PRR5L: variants seen among roughly 807,000 people sequenced by gnomAD.
PRR5L encodes the protein proline-rich protein 5-like.
In PRR5L, 21 loss-of-function variants were observed where a neutral mutation model predicts 36.4. That is an observed-to-expected ratio of 0.58 (90% CI 0.41 to 0.83). PRR5L has a LOEUF of 0.83. PRR5L is among the 40% of genes least tolerant of loss of function. The pLI is 0.00. For synonymous variants in PRR5L, 188 were observed against 197.0 expected (o/e 0.95, Z 0.38); for missense variants, 381 against 473.3 (o/e 0.80, Z 1.81).
At chr11:36,310,645 C>G (rs1294269610) in intron 1 of PRR5L, among the ~76,000 whole-genome samples, 1 of 152,140 alleles carries the variant, frequency 6.6e-6, no homozygotes, top group Non-Finnish European at 1.5e-5. Flanking sequence ...AGAGTTCTCC[C>G]ACACAAGAGG....
chr11:36,304,689 C>T (rs764392900), intron 1 of PRR5L, among the ~76,000 whole-genome samples: 3 of 152,180 alleles, frequency 2.0e-5, no homozygotes, highest in Non-Finnish European at 2.9e-5. Context: ...TGTACACACA[C>T]AATTTTGGAC....
intron 1 of PRR5L, among the ~76,000 whole-genome samples, chr11:36,365,418 T>C (rs771433060): frequency 6.6e-6 from 1 of 152,214 alleles, no homozygotes; most frequent in Non-Finnish European, 1.5e-5. Context: ...AATTCTTTTG[T>C]CTAGGACCAC....
chr11:36,330,076 A>C (rs1370378296), intron 1 of PRR5L, among the ~76,000 whole-genome samples: 3 of 152,142 alleles, frequency 2.0e-5, no homozygotes, highest in Non-Finnish European at 4.4e-5. Context: ...AGGGGAAGAG[A>C]TTTTTATTAA....
chr11:36,393,288 T>A (rs557909405), intron 1 of PRR5L, among the ~76,000 whole-genome samples: 1 of 152,320 alleles, frequency 6.6e-6, no homozygotes, highest in African/African-American at 2.4e-5. Context: ...TCCCTAATGC[T>A]TTCTTTTAGT....
intron 8 of PRR5L, among the ~76,000 whole-genome samples, chr11:36,452,371 C>T (rs1216459258): frequency 6.6e-6 from 1 of 152,232 alleles, no homozygotes; most frequent in African/African-American, 2.4e-5. Flanking sequence ...GTTCCTGCCC[C>T]TTCCTGGGCC....
At chr11:36,395,402 A>G (rs1857638075) in intron 1 of PRR5L, among the ~76,000 whole-genome samples, 1 of 152,218 alleles carries the variant, frequency 6.6e-6, no homozygotes, top group Non-Finnish European at 1.5e-5. Flanking sequence ...TTAACAATTA[A>G]ATAAAATTAA....
intron 1 of PRR5L, among the ~76,000 whole-genome samples, chr11:36,329,563 C>A (rs1442612670): frequency 6.6e-6 from 1 of 152,128 alleles, no homozygotes; most frequent in East Asian, 1.9e-4. Context: ...CAAAGATAAT[C>A]AAAGTAAGAT....
intron 4 of PRR5L, among the ~76,000 whole-genome samples, chr11:36,423,887 C>T (rs565613140): frequency 4.6e-5 from 7 of 152,222 alleles, no homozygotes; most frequent in African/African-American, 1.4e-4. Context: ...CTGTGAGGGG[C>T]GAGAATGAGG....
chr11:36,452,644 C>T (rs1215210381), intron 8 of PRR5L, among the ~76,000 whole-genome samples: 1 of 152,226 alleles, frequency 6.6e-6, no homozygotes. Flanking sequence ...GCTGCGGTCT[C>T]CCTGGAGTCC....
intron 1 of PRR5L, among the ~76,000 whole-genome samples, chr11:36,304,518 T>A (rs934603056): frequency 3.9e-5 from 6 of 152,356 alleles, no homozygotes; most frequent in African/African-American, 1.4e-4. Flanking sequence ...ACTAACAACA[T>A]GTCTTGGAGC....
At chr11:36,431,474 T>A (rs80041821) in intron 4 of PRR5L, among the ~76,000 whole-genome samples, 102 of 146,994 alleles carry the variant, frequency 6.9e-4, no homozygotes, top group East Asian at 2.4e-3. Flanking sequence ...TAAAAAAAAA[T>A]ATGTTATTTC....
In PRR5L at chr11:36,464,690, CAA is replaced by C. The variant is rs1859259916; in HGVS notation, c.*1956_*1957del. On this transcript the variant is annotated 3_prime_UTR_variant, in exon 9 of 9. Transcript: ENST00000530639. ...TGAGACTAGTATTTATTGATCCAGGCAAAGTAATTAATTAATCATGCTTGGGC... is the reference window on the plus strand; with the variant it reads ...TGAGACTAGTATTTATTGATCCAGGCAGTAATTAATTAATCATGCTTGGGC... 6.6e-6 allele frequency: 1 copy of C among 152,040 alleles called. No homozygotes were observed. Among genetic ancestry groups the C allele is most frequent in the African/African-American group, 2.4e-5 (1 of 41,408 alleles). The allele number at this position is 152,040 out of a possible 1,614,324, so 9.4% of individuals were successfully genotyped here. A position where few individuals can be genotyped will look rare whatever the true frequency, so the allele number is the denominator to read the frequency against.
At chr11:36,365,720 G>A (rs1360333671) in intron 1 of PRR5L, among the ~76,000 whole-genome samples, 1 of 152,120 alleles carries the variant, frequency 6.6e-6, no homozygotes, top group Non-Finnish European at 1.5e-5. Context: ...TGAAAGCCAG[G>A]CTGAAACACC....
intron 1 of PRR5L, among the ~76,000 whole-genome samples, chr11:36,305,703 C>G (rs1322668698): frequency 6.6e-6 from 1 of 152,120 alleles, no homozygotes; most frequent in African/African-American, 2.4e-5. Flanking sequence ...CCCCTTCCAT[C>G]GTGAGGATAC....
chr11:36,352,355 T>C (rs1174679016), intron 1 of PRR5L, among the ~76,000 whole-genome samples: 1 of 139,912 alleles, frequency 7.1e-6, no homozygotes, highest in Non-Finnish European at 1.7e-5. Flanking sequence ...CTTTTTCAGA[T>C]GTTTAGATTG....
chr11:36,383,890 T>C (rs550329620), intron 1 of PRR5L, among the ~76,000 whole-genome samples: 1 of 152,192 alleles, frequency 6.6e-6, no homozygotes, highest in Non-Finnish European at 1.5e-5. Flanking sequence ...GAGATGAGGT[T>C]TCACCAGGTT....
intron 1 of PRR5L, among the ~76,000 whole-genome samples, chr11:36,332,711 T>A (rs1273883843): frequency 6.6e-6 from 1 of 152,148 alleles, no homozygotes; most frequent in Non-Finnish European, 1.5e-5. Context: ...CTCACTCTAT[T>A]AGTTCATGTG....
At chr11:36,396,307 C>T (rs1361430844) in intron 1 of PRR5L, 1 of 152,188 alleles carries the variant, frequency 6.6e-6, no homozygotes, top group African/African-American at 2.4e-5. Context: ...TGAGGTAAGA[C>T]TTAGAAGCAC....
At chr11:36,421,862 A>G (rs1858272140) in intron 4 of PRR5L, among the ~76,000 whole-genome samples, 1 of 152,084 alleles carries the variant, frequency 6.6e-6, no homozygotes, top group African/African-American at 2.4e-5. Flanking sequence ...GGACTTGGAA[A>G]TCTCCCTCGT....
Sources: allele counts gnomAD v4.1 joint callset (sites outside exome capture counted in the v4.1 genomes callset), GRCh38; gene constraint gnomAD v4.1.1; transcripts MANE v1.5; gene names NCBI Gene and HGNC (gene_info 2026-07-23, HGNC 2026-07-21).